MIAT: variants seen among roughly 807,000 people sequenced by gnomAD.
MIAT encodes MI related novel mRNA.
chr22:26,673,277 G>C (rs534111923), downstream of MIAT: 164 of 398,798 alleles, frequency 4.1e-4, no homozygotes, highest in Middle Eastern at 4.4e-3. Flanking sequence ...CCGCTAAGCC[G>C]GGGCCACACC....
downstream of MIAT, chr22:26,672,999 T>C (rs2146021265): frequency 7.5e-6 from 3 of 398,528 alleles, no homozygotes; most frequent in Non-Finnish European, 1.3e-5. Flanking sequence ...TAAGTAGACG[T>C]GGGGCCGTGA....
intron 2 of MIAT, among the ~76,000 whole-genome samples, chr22:26,651,025 T>C (rs1930327374): frequency 6.7e-6 from 1 of 149,348 alleles, no homozygotes; most frequent in African/African-American, 2.5e-5. Context: ...GGCAAGTAAG[T>C]GGGCAAGGGG....
At chr22:26,661,672 C>T (rs1014073300) in intron 2 of MIAT, among the ~76,000 whole-genome samples, 5 of 151,954 alleles carry the variant, frequency 3.3e-5, no homozygotes, top group African/African-American at 9.7e-5. Context: ...CAACCCGTAT[C>T]TTGTTTGACT....
exon 4 of MIAT, chr22:26,666,141 G>A (rs1930837209): frequency 2.5e-6 from 1 of 398,542 alleles, no homozygotes; most frequent in South Asian, 1.3e-4. Flanking sequence ...AGCAAGCTCT[G>A]AAGATATGCT....
At chr22:26,652,321 G>A (rs1401039223) in intron 2 of MIAT, among the ~76,000 whole-genome samples, 1 of 151,962 alleles carries the variant, frequency 6.6e-6, no homozygotes, top group African/African-American at 2.4e-5. Context: ...CTTAGATTAT[G>A]TGAATTTCCT....
intron 2 of MIAT, chr22:26,647,374 GGAGAGAGAGAGAGAGAGAGAGAGAGA>G (rs55740419): frequency 4.8e-4 from 61 of 126,954 alleles, no homozygotes; most frequent in Non-Finnish European, 6.5e-4. Context: ...CGTGGGGGGT[GGAGAGAGAGAGAGAGAGAGAGAGAGA>G]GAGAGAGAGA....
intron 2 of MIAT, among the ~76,000 whole-genome samples, chr22:26,656,311 G>A (rs1300117411): frequency 1.4e-5 from 2 of 146,114 alleles, no homozygotes; most frequent in African/African-American, 2.5e-5. Context: ...CACCGTGCCC[G>A]GCCTCTTTTC....
At chr22:26,670,907 G>A (rs530627412), downstream of MIAT, 3 of 398,442 alleles carry the variant, frequency 7.5e-6, no homozygotes, top group Non-Finnish European at 4.4e-6. Context: ...GAAGCAGACC[G>A]GGTGGGCGTG....
At chr22:26,664,005 C>CTTTTTTTTTTTT (rs202155948) in intron 3 of MIAT, among the ~76,000 whole-genome samples, 1 of 116,306 alleles carries the variant, frequency 8.6e-6, no homozygotes, top group African/African-American at 3.8e-5. Context: ...CTGTGTTCAG[C>CTTTTTTTTTTTT]TTTTTTTTTT....
chr22:26,657,458 A>G (rs1930501511), intron 2 of MIAT: 1 of 398,692 alleles, frequency 2.5e-6, no homozygotes, highest in Non-Finnish European at 4.4e-6. Context: ...CCGCTCCCGC[A>G]TTAAAATTTC....
At chr22:26,662,882 A>G (rs939700968) in intron 2 of MIAT, among the ~76,000 whole-genome samples, 1 of 152,266 alleles carries the variant, frequency 6.6e-6, no homozygotes, top group Non-Finnish European at 1.5e-5. Flanking sequence ...TCTCATGGGT[A>G]GTGTTAATGA....
chr22:26,659,897 G>A (rs1930603583), intron 2 of MIAT, among the ~76,000 whole-genome samples: 1 of 137,242 alleles, frequency 7.3e-6, no homozygotes, highest in South Asian at 2.3e-4. Flanking sequence ...GTGCAGTGGT[G>A]TGATCTTGGC....
intron 2 of MIAT, among the ~76,000 whole-genome samples, chr22:26,659,367 G>A (rs941671842): frequency 7.2e-5 from 11 of 152,178 alleles, no homozygotes; most frequent in African/African-American, 2.4e-4. Flanking sequence ...CCCCATGCCC[G>A]CCTATTTTAC....
chr22:26,667,384 G>A, intron 5 of MIAT: 1 of 397,010 alleles, frequency 2.5e-6, no homozygotes, highest in South Asian at 1.3e-4. Flanking sequence ...ATGCCTGTGT[G>A]TGTGTGCATG....
At chr22:26,656,920 G>A (rs996888926) in intron 2 of MIAT, among the ~76,000 whole-genome samples, 3 of 152,114 alleles carry the variant, frequency 2.0e-5, no homozygotes, top group East Asian at 3.9e-4. Context: ...AAAACAATAA[G>A]AATAAATAAT....
chr22:26,656,193 T>C (rs568026852), intron 2 of MIAT: 1 of 152,486 alleles, frequency 6.6e-6, no homozygotes, highest in Admixed American at 6.5e-5. Context: ...GTAGTTTTAG[T>C]AGAGACGGGG....
intron 2 of MIAT, among the ~76,000 whole-genome samples, chr22:26,652,635 C>T (rs889221362): frequency 1.3e-5 from 2 of 152,160 alleles, no homozygotes; most frequent in Non-Finnish European, 2.9e-5. Flanking sequence ...GGATTACAGG[C>T]ATGAGCCACT....
At chr22:26,646,977 G>C in intron 1 of MIAT, 1 of 398,548 alleles carries the variant, frequency 2.5e-6, no homozygotes, top group Admixed American at 4.4e-5. Flanking sequence ...CCTGAAAGGG[G>C]ACTGCATTTC....
downstream of MIAT, chr22:26,672,108 G>C (rs73163300): frequency 2.3e-5 from 9 of 399,510 alleles, no homozygotes; most frequent in Non-Finnish European, 4.0e-5. Context: ...ACCTGCGTGC[G>C]TTCTTCCTTT....
Sources: gnomAD v4.1 joint callset for allele counts (sites outside exome capture counted in the v4.1 genomes callset) on GRCh38, gnomAD v4.1.1 for gene constraint, MANE v1.5 for transcripts, NCBI Gene and HGNC (gene_info 2026-07-23, HGNC 2026-07-21) for gene names.